The following YIPF5 variants were observed in gnomAD, a reference collection of about 807,000 sequenced individuals.
YIPF5 encodes protein YIPF5.
Under a neutral mutation model 30.4 loss-of-function variants are expected in YIPF5, and 8 were observed. That is an observed-to-expected ratio of 0.26 (90% confidence interval 0.15 to 0.47). The LOEUF is 0.47. Among genes scored for constraint, YIPF5 ranks in the 20% least tolerant of loss-of-function variants. The probability of loss-of-function intolerance (pLI) is 0.99; values close to 1 mark genes in which losing one functional copy is unlikely to be tolerated. For missense variants in YIPF5, 282 were observed against 301.8 expected (o/e 0.93, Z 0.49); for synonymous variants, 104 against 107.9 (o/e 0.96, Z 0.23).
chr5:144,166,642 T>A (rs532052999), intron 2 of YIPF5, among the ~76,000 whole-genome samples: 1 of 152,302 alleles, frequency 6.6e-6, no homozygotes, highest in South Asian at 2.1e-4. Context: ...CCATAGTTTA[T>A]CAGTTGTTCT....
chr5:144,165,222 T>G (rs1752168356), intron 3 of YIPF5, among the ~76,000 whole-genome samples: 1 of 152,238 alleles, frequency 6.6e-6, no homozygotes, highest in East Asian at 1.9e-4. Context: ...CATACTTTAT[T>G]ATCACTATTA....
chr5:144,166,981 C>A (rs1300851448), intron 2 of YIPF5, among the ~76,000 whole-genome samples: 1 of 152,254 alleles, frequency 6.6e-6, no homozygotes, highest in South Asian at 2.1e-4. Context: ...AATACTTTTG[C>A]AACAGCACTG....
chr5:144,158,579 T>C lies in YIPF5; in HGVS notation c.*1818A>G. The C allele has an allele frequency of 8.9e-7, 1 of 1,119,268 alleles. No individual in the cohort carries two copies. The highest frequency in any genetic ancestry group is 1.7e-5 in the African/African-American group (1 of 58,454). 69.3% of individuals were successfully genotyped at this position (1,119,268 alleles called of 1,614,324 possible). On this transcript the variant is annotated 3_prime_UTR_variant, in exon 6 of 6. Coordinates refer to ENST00000274496, the MANE Select transcript of YIPF5 (RefSeq NM_030799.9). ...ATATTTGGATATTAAGGGAAGACATTTGCCTTAACAAAAACTATACTGAAA... is the reference window on the plus strand; with the variant it reads ...ATATTTGGATATTAAGGGAAGACATCTGCCTTAACAAAAACTATACTGAAA...
In YIPF5 at chr5:144,166,011, T is replaced by C. The variant is rs375814730; in HGVS notation, c.111-407A>G. Among the ~76,000 whole-genome samples, 8 of 152,316 alleles carry C rather than the reference T, an allele frequency of 5.3e-5. No homozygotes were observed. The East Asian group carries it at 1.3e-3, about 26-fold the overall frequency. On this transcript the variant is annotated intron_variant, in intron 2 of 5. Transcript: ENST00000274496. ...GAATGAAACCTTAGGATGTCAGACT[T>C]TGTAATACATGTTATATAATTTTTC...
rs368114754 is a variant in YIPF5, at chr5:144,160,406, G to A, written c.765C>T (p.Ser255=). 4.8e-5 allele frequency: 78 copies of A among 1,611,492 alleles called. No individual in the cohort carries two copies. In the South Asian group the frequency reaches 5.4e-4, roughly 11 times the overall value. The change falls in exon 6 of 6, where the codon TCC becomes TCT. Residue 255 remains serine, a synonymous_variant. Coordinates refer to ENST00000274496, the MANE Select transcript of YIPF5 (RefSeq NM_030799.9). ...ALLYGVFALI[S]VF ...CATCCCAGATAAATTTTCAAAAGAC[G>A]GAAATCAGGGCAAAGACTCCATATA... is the stretch of plus-strand genomic sequence containing the variant.
chr5:144,170,148 T>C (rs1051235793), intron 1 of YIPF5, 183 bp from the exon 2 acceptor site: 6 of 584,774 alleles, frequency 1.0e-5, no homozygotes, highest in Non-Finnish European at 1.8e-5. Context: ...AGAAAATGTA[T>C]ATTCTTTTAA....
chr5:144,170,040 A>G, intron 1 of YIPF5, 75 bp from the exon 2 acceptor site: 1 of 1,185,354 alleles, frequency 8.4e-7, no homozygotes, highest in South Asian at 1.2e-5. Context: ...AGTCTGCTTA[A>G]GCAAATAGAA....
Position 144,164,156 on chromosome 5 carries a change from T to C in YIPF5, c.384A>G (p.Ala128=). ...DGSIMNETDL[A]GPMVFCLAFG... ...AAGCAAGGCAAAAAACCATTGGACC[T>C]GCCAAATCAGTTTCATTCATGATGC... The change falls in exon 4 of 6, where the codon GCA becomes GCG. Residue 128 remains alanine, a synonymous_variant. Coordinates refer to ENST00000274496, the MANE Select transcript of YIPF5 (RefSeq NM_030799.9). 1 of 1,613,604 alleles carries C rather than the reference T, an allele frequency of 6.2e-7. No individual in the cohort carries two copies. The highest frequency in any genetic ancestry group is 8.5e-7 in the Non-Finnish European group (1 of 1,179,736).
intron 2 of YIPF5, among the ~76,000 whole-genome samples, chr5:144,166,491 A>T (rs181199874): frequency 6.6e-6 from 1 of 152,328 alleles, no homozygotes; most frequent in African/African-American, 2.4e-5. Context: ...ATTCTTAAAA[A>T]TGAGAGCTGA....
chr5:144,159,035 T>C lies in YIPF5; in HGVS notation c.*1362A>G, dbSNP rs1345076790. On this transcript the variant is annotated 3_prime_UTR_variant, in exon 6 of 6. Transcript: ENST00000274496. ...AAAAGCCAATGATCAGTATACAAGA[T>C]ACAGTATTTTCCTACAGATTCTCTC... 1 of 984,274 alleles carries C rather than the reference T, an allele frequency of 1.0e-6. No individual in the cohort carries two copies. The highest frequency in any genetic ancestry group is 1.2e-6 in the Non-Finnish European group (1 of 829,072). The allele number at this position is 984,274 out of a possible 1,614,324, so 61.0% of individuals were successfully genotyped here.
At chr5:144,168,331 T>C (rs1024761740) in intron 2 of YIPF5, among the ~76,000 whole-genome samples, 2 of 152,082 alleles carry the variant, frequency 1.3e-5, no homozygotes, top group African/African-American at 4.8e-5. Flanking sequence ...CAGATAAATC[T>C]CGTAGGCTGC....
intron 4 of YIPF5, 134 bp from the exon 5 acceptor site, chr5:144,162,533 G>T: frequency 1.3e-6 from 1 of 785,956 alleles, no homozygotes; most frequent in Non-Finnish European, 2.0e-6. Flanking sequence ...TTTACGTAGA[G>T]AAGTAAAAGA....
rs374029695 is a variant in YIPF5, at chr5:144,159,700, T to C, written c.*697A>G. ...AAAAATATTTTTGCAGTAAGTCTTGTGTCTCCTTTTTTTTTTTTTTTTGAG... is the reference window on the plus strand; with the variant it reads ...AAAAATATTTTTGCAGTAAGTCTTGCGTCTCCTTTTTTTTTTTTTTTTGAG... On this transcript the variant is annotated 3_prime_UTR_variant, in exon 6 of 6. Coordinates refer to ENST00000274496, the MANE Select transcript of YIPF5 (RefSeq NM_030799.9). 4.1e-6 allele frequency: 4 copies of C among 971,884 alleles called. No individual in the cohort carries two copies. Among genetic ancestry groups the C allele is most frequent in the Non-Finnish European group, 4.9e-6 (4 of 824,590 alleles). 60.2% of individuals were successfully genotyped at this position (971,884 alleles called of 1,614,324 possible).
At chr5:144,170,007 G>C in intron 1 of YIPF5, 42 bp from the exon 2 acceptor site, 2 of 1,511,436 alleles carry the variant, frequency 1.3e-6, no homozygotes, top group Non-Finnish European at 1.8e-6. Flanking sequence ...TATGCCCAAG[G>C]TTCTACTGAA....
rs952154632 is a variant in YIPF5, at chr5:144,159,626, G to T, written c.*771C>A. On this transcript the variant is annotated 3_prime_UTR_variant, in exon 6 of 6. Transcript: ENST00000274496. ...CATTTGGATCACTTTTTTGCTTTGA[G>T]TTACCTGACTTGAGAATACAAGGCA... 2 of 984,580 alleles carry T rather than the reference G, an allele frequency of 2.0e-6. No homozygotes were observed. The highest frequency in any genetic ancestry group is 2.4e-6 in the Non-Finnish European group (2 of 829,826). The allele number at this position is 984,580 out of a possible 1,614,324, so 61.0% of individuals were successfully genotyped here.
intron 3 of YIPF5, 23 bp from the exon 4 acceptor site, chr5:144,164,279 A>G (rs1432308635): frequency 1.0e-5 from 16 of 1,589,478 alleles, no homozygotes; most frequent in Non-Finnish European, 1.4e-5. Context: ...AAAATTTAAA[A>G]GTTAATTAGG....
Position 144,160,038 on chromosome 5 carries a change from G to C in YIPF5, c.*359C>G, listed in dbSNP as rs187058268. 488 of 995,122 alleles carry C rather than the reference G, an allele frequency of 4.9e-4. 6 individuals are homozygous for C. The African/African-American group carries it at 7.9e-3, about 16-fold the overall frequency. The allele number at this position is 995,122 out of a possible 1,614,324, so 61.6% of individuals were successfully genotyped here. A position where few individuals can be genotyped will look rare whatever the true frequency, so the allele number is the denominator to read the frequency against. ...GTGTCTTCTTTACTGTGACTGGGTC[G>C]TTTTTAAGAAAGGTTATCAGCTTTG... is the stretch of plus-strand genomic sequence containing the variant. On this transcript the variant is annotated 3_prime_UTR_variant, in exon 6 of 6. Coordinates refer to ENST00000274496, the MANE Select transcript of YIPF5 (RefSeq NM_030799.9).
Position 144,160,147 on chromosome 5 carries a change from C to T in YIPF5, c.*250G>A. 1.7e-6 allele frequency: 2 copies of T among 1,179,736 alleles called. No individual in the cohort carries two copies. The highest frequency in any genetic ancestry group is 2.1e-6 in the Non-Finnish European group (2 of 956,082). The allele number at this position is 1,179,736 out of a possible 1,614,324, so 73.1% of individuals were successfully genotyped here. A position where few individuals can be genotyped will look rare whatever the true frequency, so the allele number is the denominator to read the frequency against. On this transcript the variant is annotated 3_prime_UTR_variant, in exon 6 of 6. Transcript: ENST00000274496. ...AAGGTTTTTCAATGGCTGCAGGAAC[C>T]AGAAAGAAATAGCATTTCTTATCTG... is the stretch of plus-strand genomic sequence containing the variant.
At chr5:144,164,547 G>A (rs1752146283) in intron 3 of YIPF5, among the ~76,000 whole-genome samples, 1 of 151,370 alleles carries the variant, frequency 6.6e-6, no homozygotes, top group Non-Finnish European at 1.5e-5. Flanking sequence ...CCACAACACA[G>A]AGCTAATTTT....
Sources: gnomAD v4.1 joint callset for allele counts (sites outside exome capture counted in the v4.1 genomes callset) on GRCh38, gnomAD v4.1.1 for gene constraint, MANE v1.5 for transcripts, NCBI Gene and HGNC (gene_info 2026-07-23, HGNC 2026-07-21) for gene names.